The following ADGRL3 variants were observed in gnomAD, a reference collection of about 807,000 sequenced individuals.
The protein encoded by ADGRL3 is calcium-independent alpha-latrotoxin receptor 3.
ADGRL3 carries 62 observed loss-of-function variants against 153.5 expected under a neutral mutation model. That is an observed-to-expected ratio of 0.40 (90% CI 0.33 to 0.50). ADGRL3 has a LOEUF of 0.50. Among genes scored for constraint, ADGRL3 ranks in the 20% least tolerant of loss-of-function variants. ADGRL3 has a pLI of 0.47. For missense variants in ADGRL3, 1,641 were observed against 1,859.4 expected (o/e 0.88, Z 2.16); for synonymous variants, 710 against 672.5 (o/e 1.06, Z -0.86).
intron 2 of ADGRL3, among the ~76,000 whole-genome samples, chr4:61,402,208 G>A (rs1220677629): frequency 1.3e-5 from 2 of 152,064 alleles, no homozygotes; most frequent in Non-Finnish European, 2.9e-5. Context: ...GTGGGCTGTA[G>A]TTTGCTAAAG....
intron 5 of ADGRL3, among the ~76,000 whole-genome samples, chr4:61,621,169 T>A (rs1387424975): frequency 1.3e-5 from 2 of 152,204 alleles, no homozygotes; most frequent in Non-Finnish European, 2.9e-5. Context: ...TGTTTTTATA[T>A]CCTTCTTTTT....
At chr4:61,694,719 A>G (rs1580320921) in intron 6 of ADGRL3, among the ~76,000 whole-genome samples, 1 of 152,158 alleles carries the variant, frequency 6.6e-6, no homozygotes, top group Non-Finnish European at 1.5e-5. Flanking sequence ...TCTCCCTTTC[A>G]CAAAAGATTT....
At chr4:62,028,943 T>G in intron 22 of ADGRL3, 62 bp downstream of exon 22, 1 of 1,417,580 alleles carries the variant, frequency 7.1e-7, no homozygotes, top group Non-Finnish European at 9.8e-7. Context: ...GAACCAGCTG[T>G]CAGATCAGTA....
At position 61,730,609 on chromosome 4, in the gene ADGRL3, C is replaced by A; in HGVS notation, c.584-13C>A. The A allele has an allele frequency of 1.8e-6, 1 of 544,098 alleles. No homozygotes were observed. The highest frequency in any genetic ancestry group is 3.3e-5 in the South Asian group (1 of 29,914). The allele number at this position is 544,098 out of a possible 1,614,324, so 33.7% of individuals were successfully genotyped here. A position where few individuals can be genotyped will look rare whatever the true frequency, so the allele number is the denominator to read the frequency against. The stretch of plus-strand genomic sequence containing the variant: ...TTTTCTCCTTTCTCTCTTTACTTCT[C>A]TCTCTCCAATAGAAGTGGAACAAAA... On this transcript the variant is annotated splice_polypyrimidine_tract_variant and intron_variant, in intron 6 of 26. Transcript: ENST00000683033.
Position 61,698,173 on chromosome 4 carries a change from C to G in ADGRL3, c.583+21238C>G, listed in dbSNP as rs970569164. 5.4e-4 allele frequency among the ~76,000 whole-genome samples: 82 copies of G among 151,976 alleles called. 1 individual carries two copies. The highest frequency in any genetic ancestry group is 1.8e-3 in the African/African-American group (76 of 41,366). On this transcript the variant is annotated intron_variant, in intron 6 of 26. Transcript: ENST00000683033. ...GCGTTTGAAAAAAAATTACTGAGGC[C>G]GGGCGTGGTGGCTCATGCCTGTAAT...
At chr4:61,744,662 T>C (rs2096630365) in intron 8 of ADGRL3, among the ~76,000 whole-genome samples, 1 of 152,132 alleles carries the variant, frequency 6.6e-6, no homozygotes. Context: ...GTCCTATCTG[T>C]TAGAAGGAAA....
At chr4:61,541,842 T>TACAC (rs3075148) in intron 4 of ADGRL3, among the ~76,000 whole-genome samples, 12,429 of 146,444 alleles carry the variant, frequency 0.085, 559 homozygotes, top group Non-Finnish European at 0.1. Context: ...TGTGTGTGTA[T>TACAC]ACACACACAC....
At chr4:62,068,368 C>A (rs965254160) in intron 26 of ADGRL3, among the ~76,000 whole-genome samples, 185 bp downstream of exon 26, 2 of 152,068 alleles carry the variant, frequency 1.3e-5, no homozygotes, top group African/African-American at 4.8e-5. Flanking sequence ...TTGTCTGATT[C>A]TTTTATTGTC....
In ADGRL3 at chr4:61,220,823, G is replaced by A. The variant is rs181801417; in HGVS notation, c.-240+19058G>A. Among the ~76,000 whole-genome samples, 5 of 152,240 alleles carry A rather than the reference G, an allele frequency of 3.3e-5. No homozygotes were observed. In the East Asian group the frequency reaches 7.7e-4, roughly 24 times the overall value. ...ATCTAGCAATTCGTGAGATACAAATGGAAGCCTGAATACTTACAGCAGCGT... is the reference window on the plus strand; with the variant it reads ...ATCTAGCAATTCGTGAGATACAAATAGAAGCCTGAATACTTACAGCAGCGT... On this transcript the variant is annotated intron_variant, in intron 1 of 26. Transcript: ENST00000683033.
chr4:62,034,068 C>A (rs903508319), intron 23 of ADGRL3, among the ~76,000 whole-genome samples: 9 of 151,614 alleles, frequency 5.9e-5, no homozygotes, highest in African/African-American at 1.7e-4. Context: ...CATCTCAAGA[C>A]CCTCAAACAA....
intron 2 of ADGRL3, among the ~76,000 whole-genome samples, chr4:61,485,448 GC>G (rs1337442442): frequency 6.6e-6 from 1 of 151,974 alleles, no homozygotes; most frequent in African/African-American, 2.4e-5. Flanking sequence ...TACTGTTTAA[GC>G]CCCTTTTGAA....
chr4:61,495,846 T>C (rs1461273724), intron 2 of ADGRL3, among the ~76,000 whole-genome samples: 1 of 152,210 alleles, frequency 6.6e-6, no homozygotes, highest in Non-Finnish European at 1.5e-5. Flanking sequence ...ACCACTGCTT[T>C]GTATTTTAGT....
intron 5 of ADGRL3, among the ~76,000 whole-genome samples, chr4:61,630,283 C>A (rs2093080982): frequency 6.6e-6 from 1 of 152,112 alleles, no homozygotes; most frequent in African/African-American, 2.4e-5. Context: ...AATTTTTTCA[C>A]TACTGATGTT....
At chr4:61,322,011 C>G (rs1401152582) in intron 1 of ADGRL3, among the ~76,000 whole-genome samples, 1 of 152,140 alleles carries the variant, frequency 6.6e-6, no homozygotes, top group Non-Finnish European at 1.5e-5. Flanking sequence ...ATACCTGAGA[C>G]TGGGCAATTT....
At chr4:61,993,164 TTGTGTGTGTG>T (rs3065140) in intron 19 of ADGRL3, among the ~76,000 whole-genome samples, 4 of 138,420 alleles carry the variant, frequency 2.9e-5, no homozygotes, top group Middle Eastern at 3.4e-3. Flanking sequence ...TGGGCTGCAG[TTGTGTGTGTG>T]TGTGTGTGTG....
intron 9 of ADGRL3, among the ~76,000 whole-genome samples, chr4:61,831,837 C>T (rs562454977): frequency 2.0e-5 from 3 of 152,072 alleles, no homozygotes; most frequent in East Asian, 1.9e-4. Context: ...ATCAAGACTG[C>T]GGTCTTTTAC....
At chr4:61,415,655 C>T (rs1470516802) in intron 2 of ADGRL3, among the ~76,000 whole-genome samples, 4 of 151,880 alleles carry the variant, frequency 2.6e-5, no homozygotes, top group African/African-American at 9.7e-5. Context: ...CCCAATTTTC[C>T]CTATTCTGTC....
intron 8 of ADGRL3, among the ~76,000 whole-genome samples, chr4:61,794,419 G>C (rs2097382031): frequency 6.6e-6 from 1 of 152,090 alleles, no homozygotes; most frequent in Non-Finnish European, 1.5e-5. Context: ...AAAGAGAAAG[G>C]AAATTTCTGC....
intron 1 of ADGRL3, among the ~76,000 whole-genome samples, chr4:61,317,220 C>T (rs1054568006): frequency 3.9e-5 from 6 of 152,184 alleles, no homozygotes; most frequent in Non-Finnish European, 1.5e-5. Flanking sequence ...TCTTCAAGTA[C>T]ATTAATACAT....
Sources: gnomAD v4.1 joint callset for allele counts (sites outside exome capture counted in the v4.1 genomes callset) on GRCh38, gnomAD v4.1.1 for gene constraint, MANE v1.5 for transcripts, NCBI Gene and HGNC (gene_info 2026-07-23, HGNC 2026-07-21) for gene names.